Variants in HS3ST4 observed in about 807,000 individuals in gnomAD.
The protein encoded by HS3ST4 is heparan sulfate-glucosamine 3-sulfotransferase 4.
Under a neutral mutation model 29.2 loss-of-function variants are expected in HS3ST4, and 17 were observed. The observed-to-expected ratio is 0.58, with a 90% confidence interval of 0.40 to 0.87. HS3ST4 has a LOEUF of 0.87. HS3ST4 is among the 40% of genes least tolerant of loss of function. The pLI is 0.00. For synonymous variants in HS3ST4, 314 were observed against 285.7 expected (o/e 1.10, Z -1.00); for missense variants, 627 against 634.5 (o/e 0.99, Z 0.13).
At position 26,054,299 on chromosome 16, in the gene HS3ST4, A is replaced by AGAGAGAGAGAGAGAGAGAGAG. The variant is rs397962355; in HGVS notation, c.735-81313_735-81312insGAGAGAGAGAGAGAGAGAGAG. 8.7e-4 allele frequency among the ~76,000 whole-genome samples: 123 copies of AGAGAGAGAGAGAGAGAGAGAG among 141,686 alleles called. 2 individuals carry two copies. Among genetic ancestry groups the AGAGAGAGAGAGAGAGAGAGAG allele is most frequent in the Middle Eastern group, 3.8e-3 (1 of 260 alleles). The allele number at this position is 141,686 out of a possible 152,430, so 93.0% of individuals were successfully genotyped here. Reference sequence around the variant, plus strand: ...GAGAGAGAGAGAGAGAGAGAGAGAGAAGGAGGAGGAGGAAGAAGAAGAAGA... The same window carrying AGAGAGAGAGAGAGAGAGAGAG: ...GAGAGAGAGAGAGAGAGAGAGAGAGAGAGAGAGAGAGAGAGAGAGAGAGGAGGAGGAGGAAGAAGAAGAAGA... On this transcript the variant is annotated intron_variant, in intron 1 of 1. Transcript: ENST00000331351.
intron 1 of HS3ST4, among the ~76,000 whole-genome samples, chr16:25,998,735 T>A (rs1030669852): frequency 2.6e-5 from 4 of 152,198 alleles, no homozygotes; most frequent in Non-Finnish European, 4.4e-5. Context: ...TAGTCAAAAT[T>A]TGAGAACTAG....
chr16:25,865,889 A>G (rs955753521), intron 1 of HS3ST4, among the ~76,000 whole-genome samples: 3 of 152,196 alleles, frequency 2.0e-5, no homozygotes, highest in African/African-American at 7.2e-5. Context: ...AACAGAAGAA[A>G]AGTTTCTCAA....
intron 1 of HS3ST4, among the ~76,000 whole-genome samples, chr16:26,073,945 T>C (rs1040871510): frequency 1.3e-5 from 2 of 152,214 alleles, no homozygotes; most frequent in South Asian, 2.1e-4. Context: ...TAAACTCCAA[T>C]GTACTACTTG....
chr16:25,789,510 C>G (rs1966864402), intron 1 of HS3ST4, among the ~76,000 whole-genome samples: 1 of 149,096 alleles, frequency 6.7e-6, no homozygotes, highest in Non-Finnish European at 1.5e-5. Flanking sequence ...CTTTCTCTCT[C>G]TTTCTTTCCT....
Position 25,739,068 on chromosome 16 carries a change from G to A in HS3ST4, c.734+45917G>A, listed in dbSNP as rs575426789. On this transcript the variant is annotated intron_variant, in intron 1 of 1. Transcript: ENST00000331351. ...TTATAAATACTTGTTGAGGTTGGGC[G>A]CAGTGGCTCATGCGTGTAATCCCAG... Among the ~76,000 whole-genome samples, 14 of 152,280 alleles carry A rather than the reference G, an allele frequency of 9.2e-5. No individual in the cohort carries two copies. In the South Asian group the frequency reaches 2.3e-3, roughly 25 times the overall value.
chr16:26,049,641 C>T (rs1190353303), intron 1 of HS3ST4, among the ~76,000 whole-genome samples: 1 of 152,062 alleles, frequency 6.6e-6, no homozygotes. Context: ...GCAGTGGACA[C>T]CAACTGCACG....
At chr16:25,702,911 A>G (rs1567223206) in intron 1 of HS3ST4, among the ~76,000 whole-genome samples, 1 of 152,094 alleles carries the variant, frequency 6.6e-6, no homozygotes, top group Non-Finnish European at 1.5e-5. Flanking sequence ...CTGTAATCCC[A>G]GCACTTTGGG....
intron 1 of HS3ST4, among the ~76,000 whole-genome samples, chr16:26,119,240 T>C (rs956862929): frequency 5.9e-5 from 9 of 152,172 alleles, no homozygotes; most frequent in Non-Finnish European, 1.3e-4. Flanking sequence ...GAAAACTCAC[T>C]CTTGCTCAGT....
chr16:26,112,428 G>C (rs1385838619), intron 1 of HS3ST4, among the ~76,000 whole-genome samples: 2 of 133,080 alleles, frequency 1.5e-5, no homozygotes, highest in African/African-American at 5.6e-5. Context: ...TGTCACCTGG[G>C]CTGGAGTGCA....
At position 26,087,523 on chromosome 16, in the gene HS3ST4, A is replaced by T. The variant is rs140379413; in HGVS notation, c.735-48089A>T. On this transcript the variant is annotated intron_variant, in intron 1 of 1. Coordinates refer to ENST00000331351, the MANE Select transcript of HS3ST4 (RefSeq NM_006040.3). ...TCACTCCCTCAGCGTCCAAGCCATCAGCAGGTCCTCTGATTGAAACCCTTA... is the reference window on the plus strand; with the variant it reads ...TCACTCCCTCAGCGTCCAAGCCATCTGCAGGTCCTCTGATTGAAACCCTTA... 9.9e-5 allele frequency among the ~76,000 whole-genome samples: 15 copies of T among 152,098 alleles called. No homozygotes were observed. In the East Asian group the frequency reaches 2.9e-3, roughly 30 times the overall value.
intron 1 of HS3ST4, among the ~76,000 whole-genome samples, chr16:26,111,155 T>G (rs1007066933): frequency 3.9e-5 from 6 of 152,104 alleles, no homozygotes. Flanking sequence ...CTGGACCTTC[T>G]GGGCTTAAGT....
chr16:26,077,988 C>T (rs1898683023), intron 1 of HS3ST4, among the ~76,000 whole-genome samples: 1 of 152,118 alleles, frequency 6.6e-6, no homozygotes, highest in Non-Finnish European at 1.5e-5. Flanking sequence ...ATCACTTAAG[C>T]CCAGAAAGTT....
At chr16:25,959,012 G>T (rs762667587) in intron 1 of HS3ST4, among the ~76,000 whole-genome samples, 1 of 152,230 alleles carries the variant, frequency 6.6e-6, no homozygotes, top group African/African-American at 2.4e-5. Context: ...GACATGGGTT[G>T]CAGTAGAGAA....
intron 1 of HS3ST4, among the ~76,000 whole-genome samples, chr16:26,011,971 T>C (rs888008762): frequency 6.6e-6 from 1 of 152,166 alleles, no homozygotes. Context: ...GCCTTTGCAG[T>C]TTCTGGAAAA....
chr16:25,908,965 G>A (rs909565797), intron 1 of HS3ST4, among the ~76,000 whole-genome samples: 1 of 152,106 alleles, frequency 6.6e-6, no homozygotes, highest in Non-Finnish European at 1.5e-5. Context: ...TGGTGCCCAG[G>A]GCTGTGCTGG....
chr16:26,020,793 G>C (rs1358906645), intron 1 of HS3ST4, among the ~76,000 whole-genome samples: 2 of 152,178 alleles, frequency 1.3e-5, no homozygotes, highest in Non-Finnish European at 2.9e-5. Flanking sequence ...GGTGATCCGT[G>C]TGCAGGTTCA....
In HS3ST4 at chr16:25,720,264, A is replaced by G. The variant is rs117816787; in HGVS notation, c.734+27113A>G. ...TGTTTGAGAGGCTGCAAGGAGGTCAATGAGACTGGGACACAGTGAGGAAGC... is the reference window on the plus strand; with the variant it reads ...TGTTTGAGAGGCTGCAAGGAGGTCAGTGAGACTGGGACACAGTGAGGAAGC... On this transcript the variant is annotated intron_variant, in intron 1 of 1. Transcript: ENST00000331351. 3.4e-3 allele frequency among the ~76,000 whole-genome samples: 521 copies of G among 152,304 alleles called. 1 individual carries two copies. The highest frequency in any genetic ancestry group is 0.02 in the Middle Eastern group (6 of 294).
chr16:25,873,382 C>CCATCCATG (rs1967780997), intron 1 of HS3ST4, among the ~76,000 whole-genome samples: 1 of 92,200 alleles, frequency 1.1e-5, no homozygotes, highest in South Asian at 4.2e-4. Context: ...ATCCAGTCAT[C>CCATCCATG]CATCCATCCA....
intron 1 of HS3ST4, among the ~76,000 whole-genome samples, chr16:25,802,881 T>G (rs1246007033): frequency 1.3e-5 from 2 of 151,890 alleles, no homozygotes; most frequent in South Asian, 2.1e-4. Flanking sequence ...TATTTTTAGT[T>G]GGATATTATT....
Sources: allele counts gnomAD v4.1 joint callset (sites outside exome capture counted in the v4.1 genomes callset), GRCh38; gene constraint gnomAD v4.1.1; transcripts MANE v1.5; gene names NCBI Gene and HGNC (gene_info 2026-07-23, HGNC 2026-07-21).